The following KSR2 variants were observed in gnomAD, a reference collection of about 807,000 sequenced individuals.
KSR2 encodes kinase suppressor of ras 2.
In KSR2, 25 loss-of-function variants were observed where a neutral mutation model predicts 107.8. That is an observed-to-expected ratio of 0.23 (90% CI 0.17 to 0.32). The LOEUF (loss-of-function observed/expected upper bound fraction) is 0.32. Among genes scored for constraint, KSR2 ranks in the 10% least tolerant of loss-of-function variants. KSR2 has a pLI of 1.00. For synonymous variants in KSR2, 480 were observed against 507.0 expected (o/e 0.95, Z 0.71); for missense variants, 887 against 1,268.9 (o/e 0.70, Z 4.57).
intron 4 of KSR2, among the ~76,000 whole-genome samples, chr12:117,754,461 A>T (rs183403608): frequency 6.6e-6 from 1 of 152,028 alleles, no homozygotes; most frequent in African/African-American, 2.4e-5. Flanking sequence ...AACATGGTGA[A>T]ATCCCGTCTC....
intron 4 of KSR2, among the ~76,000 whole-genome samples, chr12:117,704,234 C>T (rs1187500282): frequency 6.6e-6 from 1 of 152,132 alleles, no homozygotes; most frequent in Non-Finnish European, 1.5e-5. Context: ...ACTCAACTTT[C>T]CAAATAGCTG....
intron 1 of KSR2, among the ~76,000 whole-genome samples, chr12:117,964,683 C>T (rs1224547102): frequency 6.6e-6 from 1 of 152,172 alleles, no homozygotes; most frequent in Non-Finnish European, 1.5e-5. Flanking sequence ...CCCTTGAAAA[C>T]GTTATCTCTT....
At chr12:117,868,555 T>C (rs1055054882) in intron 1 of KSR2, among the ~76,000 whole-genome samples, 1 of 152,082 alleles carries the variant, frequency 6.6e-6, no homozygotes, top group African/African-American at 2.4e-5. Flanking sequence ...TCCCAGGAAC[T>C]AGGTCCTATT....
chr12:117,502,475 G>A (rs1262820474), intron 14 of KSR2, among the ~76,000 whole-genome samples: 4 of 152,032 alleles, frequency 2.6e-5, no homozygotes, highest in Non-Finnish European at 4.4e-5. Context: ...AGAACTTCAG[G>A]TTGCCTAGGG....
intron 17 of KSR2, among the ~76,000 whole-genome samples, chr12:117,471,822 T>TA (rs963785174): frequency 4.0e-5 from 6 of 151,750 alleles, no homozygotes; most frequent in East Asian, 1.9e-4. Context: ...TAACCTTAGG[T>TA]AAAAAAAAGC....
chr12:117,696,148 G>A (rs1056617184), intron 4 of KSR2, among the ~76,000 whole-genome samples: 2 of 152,098 alleles, frequency 1.3e-5, no homozygotes, highest in African/African-American at 4.8e-5. Flanking sequence ...CATTAGCAAA[G>A]GAACCATAAA....
chr12:117,855,566 C>G lies in KSR2; in HGVS notation c.334G>C (p.Gly112Arg). 1 of 1,613,904 alleles carries G rather than the reference C, an allele frequency of 6.2e-7. No individual in the cohort carries two copies. Among genetic ancestry groups the G allele is most frequent in the Non-Finnish European group, 8.5e-7 (1 of 1,179,860 alleles). Residue 112 changes from glycine (G) to arginine (R), a missense_variant, in exon 3 of 20, where the codon GGC (glycine) becomes CGC (arginine). Coordinates refer to ENST00000339824, the MANE Select transcript of KSR2 (RefSeq NM_173598.6). The part of the protein sequence containing the change: ...RKEVLEEISP[G>R]QLSLEDLLEM... Reference sequence around the variant, plus strand: ...AAGAGGTCCTCCAGGCTCAGCTGGCCGGGGGAGATTTCCTAGAGGAGGGGA... The same window carrying G: ...AAGAGGTCCTCCAGGCTCAGCTGGCGGGGGGAGATTTCCTAGAGGAGGGGA...
At chr12:117,870,875 T>G (rs960893364) in intron 1 of KSR2, among the ~76,000 whole-genome samples, 9 of 152,124 alleles carry the variant, frequency 5.9e-5, no homozygotes, top group Non-Finnish European at 1.2e-4. Flanking sequence ...CAAAAGGGAA[T>G]GAGAATCATC....
intron 5 of KSR2, among the ~76,000 whole-genome samples, chr12:117,623,394 G>A (rs1012080866): frequency 2.2e-4 from 33 of 151,194 alleles, no homozygotes; most frequent in Non-Finnish European, 7.4e-5. Context: ...CCCGCACCCC[G>A]ATAGGCCCCA....
chr12:117,930,791 G>A (rs1895673245), intron 1 of KSR2, among the ~76,000 whole-genome samples: 2 of 152,108 alleles, frequency 1.3e-5, no homozygotes, highest in Non-Finnish European at 2.9e-5. Flanking sequence ...GCACGTGCCT[G>A]TAGTCCCAGC....
In KSR2 at chr12:117,734,741, C is replaced by CATGGATGGATGG. The variant is rs1282957441; in HGVS notation, c.986+26269_986+26270insCCATCCATCCAT. On this transcript the variant is annotated intron_variant, in intron 4 of 19. Transcript: ENST00000339824. ...TGTGTGATGGATGGACGCATGCATGCATGCATGCATGCATGGATGGATGGA... is the reference window on the plus strand; with the variant it reads ...TGTGTGATGGATGGACGCATGCATGCATGGATGGATGGATGCATGCATGCATGGATGGATGGA... 4.9e-3 allele frequency among the ~76,000 whole-genome samples: 183 copies of CATGGATGGATGG among 37,506 alleles called. 2 individuals are homozygous for CATGGATGGATGG. The highest frequency in any genetic ancestry group is 9.3e-3 in the African/African-American group (169 of 18,078). 24.6% of individuals were successfully genotyped at this position (37,506 alleles called of 152,430 possible).
At chr12:117,677,737 G>A (rs1261815517) in intron 4 of KSR2, among the ~76,000 whole-genome samples, 4 of 152,174 alleles carry the variant, frequency 2.6e-5, no homozygotes, top group Non-Finnish European at 5.9e-5. Flanking sequence ...TTCTTCATTT[G>A]TTCTCTGTCT....
intron 3 of KSR2, 37 bp from the exon 4 acceptor site, chr12:117,761,561 C>T: frequency 1.2e-6 from 2 of 1,609,292 alleles, no homozygotes; most frequent in Non-Finnish European, 8.5e-7. Flanking sequence ...AATGGGTAAG[C>T]CATGAGAAAG....
intron 7 of KSR2, among the ~76,000 whole-genome samples, chr12:117,566,679 A>T (rs549146400): frequency 2.0e-5 from 3 of 152,282 alleles, no homozygotes; most frequent in Admixed American, 2.0e-4. Context: ...AATTGGGACA[A>T]TTCATCCCTG....
rs143533970 is a variant in KSR2 at position 117,885,382 on chromosome 12, C to G, written c.181-24951G>C. 1.5e-3 allele frequency among the ~76,000 whole-genome samples: 227 copies of G among 152,208 alleles called. 1 individual carries two copies. The highest frequency in any genetic ancestry group is 2.7e-3 in the Non-Finnish European group (186 of 68,026). ...TTATCACATTTTGCAGATAAGGAAACTGACACAGAGAGGCTAGGCAGTTTA... is the reference window on the plus strand; with the variant it reads ...TTATCACATTTTGCAGATAAGGAAAGTGACACAGAGAGGCTAGGCAGTTTA... On this transcript the variant is annotated intron_variant, in intron 1 of 19. Coordinates refer to ENST00000339824, the MANE Select transcript of KSR2 (RefSeq NM_173598.6).
chr12:117,573,119 C>G (rs1333311256), intron 7 of KSR2, among the ~76,000 whole-genome samples: 2 of 152,184 alleles, frequency 1.3e-5, no homozygotes, highest in African/African-American at 4.8e-5. Flanking sequence ...GTTCATTAAT[C>G]TCTCTATTCA....
chr12:117,865,321 T>C (rs575881773), intron 1 of KSR2, among the ~76,000 whole-genome samples: 4 of 152,324 alleles, frequency 2.6e-5, no homozygotes, highest in East Asian at 1.9e-4. Context: ...ATGAAAGATA[T>C]ACAAACTTAC....
At position 117,530,284 on chromosome 12, in the gene KSR2, T is replaced by C. The variant is rs138481306; in HGVS notation, c.1802+657A>G. On this transcript the variant is annotated intron_variant, in intron 12 of 19. Transcript: ENST00000339824. ...AAATTAGCTTATATTATTTTTATAA[T>C]AATATAAACCAGAGGTTAGCAAATT... Among the ~76,000 whole-genome samples the C allele has an allele frequency of 5.1e-3, 771 of 152,302 alleles. 9 individuals carry two copies. The highest frequency in any genetic ancestry group is 0.018 in the African/African-American group (732 of 41,562).
At chr12:117,895,986 A>G (rs1489904740) in intron 1 of KSR2, among the ~76,000 whole-genome samples, 1 of 152,140 alleles carries the variant, frequency 6.6e-6, no homozygotes, top group African/African-American at 2.4e-5. Flanking sequence ...TTGAACCCAG[A>G]GGGCAGAGGT....
Sources: allele counts gnomAD v4.1 joint callset (sites outside exome capture counted in the v4.1 genomes callset), GRCh38; gene constraint gnomAD v4.1.1; transcripts MANE v1.5; gene names NCBI Gene and HGNC (gene_info 2026-07-23, HGNC 2026-07-21).